Variants in SERPINB7 observed in about 807,000 individuals in gnomAD.
SERPINB7 encodes serpin B7.
A neutral mutation model predicts 37.4 loss-of-function variants in SERPINB7; 31 were observed. The observed-to-expected ratio is 0.83, with a 90% CI of 0.62 to 1.12. The LOEUF is 1.12. SERPINB7 is among the 50% of genes most tolerant of loss of function. SERPINB7 has a pLI of 0.00. For missense variants in SERPINB7, 521 were observed against 455.3 expected (o/e 1.14, Z -1.31); for synonymous variants, 163 against 166.1 (o/e 0.98, Z 0.14).
chr18:63,784,499 T>TTA (rs1210108240), intron 2 of SERPINB7, among the ~76,000 whole-genome samples: 1 of 152,200 alleles, frequency 6.6e-6, no homozygotes, highest in African/African-American at 2.4e-5. Context: ...CTTCAGTATT[T>TTA]TAAAGTGGGT....
intron 1 of SERPINB7, among the ~76,000 whole-genome samples, chr18:63,760,522 T>C (rs915921948): frequency 2.6e-5 from 4 of 152,202 alleles, no homozygotes; most frequent in Admixed American, 1.3e-4. Context: ...AGCCTAATGT[T>C]AATCCCCAAG....
chr18:63,792,437 T>C lies in SERPINB7; in HGVS notation c.213T>C (p.Asn71=), dbSNP rs373796717. ...CCTCAGGATATGGAAACTCTTCTAA[T>C]AGTCAGGTAAAGACAATATGTTCTT... ...NTASGYGNSS[N]SQSGLQSQLK... is the part of the protein sequence containing the mutation. Residue 71 remains asparagine, a synonymous_variant, in exon 3 of 8, where the codon AAT becomes AAC. Transcript: ENST00000398019. 4.4e-6 allele frequency: 7 copies of C among 1,592,786 alleles called. No homozygotes were observed. The highest frequency in any genetic ancestry group is 6.0e-6 in the Non-Finnish European group (7 of 1,160,674).
intron 2 of SERPINB7, among the ~76,000 whole-genome samples, chr18:63,791,887 GGCCT>G (rs1223598332): frequency 6.6e-6 from 1 of 152,036 alleles, no homozygotes; most frequent in East Asian, 1.9e-4. Flanking sequence ...TGAGATTACA[GGCCT>G]GAGCCACCGC....
At chr18:63,797,342 T>C (rs1349793923) in intron 5 of SERPINB7, among the ~76,000 whole-genome samples, 3 of 152,192 alleles carry the variant, frequency 2.0e-5, no homozygotes, top group African/African-American at 7.2e-5. Context: ...TATTCATTCA[T>C]TCCTCATTAT....
chr18:63,794,110 ATTTTT>A (rs34450022), intron 4 of SERPINB7, among the ~76,000 whole-genome samples: 131 of 105,558 alleles, frequency 1.2e-3, no homozygotes, highest in African/African-American at 4.5e-3. Flanking sequence ...CATCCTGCTA[ATTTTT>A]TTTTTTTTTT....
At chr18:63,800,834 T>C in intron 6 of SERPINB7, 32 bp from the exon 7 acceptor site, 1 of 1,609,288 alleles carries the variant, frequency 6.2e-7, no homozygotes, top group Non-Finnish European at 8.5e-7. Flanking sequence ...TGAGGTGGGA[T>C]CATAAATAAT....
chr18:63,796,988 A>T (rs1482368279), intron 5 of SERPINB7, among the ~76,000 whole-genome samples: 1 of 152,220 alleles, frequency 6.6e-6, no homozygotes, highest in African/African-American at 2.4e-5. Context: ...TTACCAAAAT[A>T]ATTTATGTAA....
intron 1 of SERPINB7, among the ~76,000 whole-genome samples, chr18:63,770,051 G>C (rs932399841): frequency 6.7e-6 from 1 of 148,488 alleles, no homozygotes; most frequent in Non-Finnish European, 1.5e-5. Flanking sequence ...TGCCGCTTCT[G>C]CTTGTGTTTG....
At chr18:63,783,129 C>G (rs1246426303) in intron 2 of SERPINB7, among the ~76,000 whole-genome samples, 1 of 150,528 alleles carries the variant, frequency 6.6e-6, no homozygotes, top group Non-Finnish European at 1.5e-5. Context: ...CAGAGCGAGA[C>G]TCCGTCTCAG....
intron 1 of SERPINB7, among the ~76,000 whole-genome samples, chr18:63,763,016 AAG>A (rs2049162497): frequency 6.6e-6 from 1 of 152,168 alleles, no homozygotes; most frequent in Admixed American, 6.5e-5. Context: ...ACCTCAGTAA[AAG>A]GGGGGTTTCA....
chr18:63,778,850 G>T (rs1189265611), intron 1 of SERPINB7, among the ~76,000 whole-genome samples: 1 of 152,030 alleles, frequency 6.6e-6, no homozygotes, highest in African/African-American at 2.4e-5. Context: ...CTGAAGTTTG[G>T]GATGTAAAAA....
Position 63,804,605 on chromosome 18 carries a change from C to T in SERPINB7, c.1113C>T (p.Ile371=). The T allele has an allele frequency of 1.2e-6, 2 of 1,611,560 alleles. No individual in the cohort carries two copies. The highest frequency in any genetic ancestry group is 1.7e-6 in the Non-Finnish European group (2 of 1,178,566). ...TTGTTATCAGGAAGGATGACATCAT[C>T]TTATTCAGTGGCAAAGTTTCTTGCC... The part of the protein sequence containing the change: ...FLFVIRKDDI[I]LFSGKVSCP Residue 371 remains isoleucine, a synonymous_variant, in exon 8 of 8, where the codon ATC becomes ATT. Coordinates refer to ENST00000398019, the MANE Select transcript of SERPINB7 (RefSeq NM_003784.4).
Position 63,796,273 on chromosome 18 carries a change from T to A in SERPINB7, c.344T>A (p.Ile115Asn). 2 of 1,597,154 alleles carry A rather than the reference T, an allele frequency of 1.3e-6. No individual in the cohort carries two copies. Among genetic ancestry groups the A allele is most frequent in the Middle Eastern group, 1.7e-4 (1 of 6,014 alleles). The change falls in exon 5 of 8, where the codon ATT becomes AAT. Residue 115 changes from isoleucine (I) to asparagine (N), a missense_variant. Ile to Asn is a moderately radical substitution (Grantham distance 149). Coordinates refer to ENST00000398019, the MANE Select transcript of SERPINB7 (RefSeq NM_003784.4). ...CTATATTCTTCTTTATAGGACTACA[T>A]TGAGTGTGCCGAAAAATTATACGAT... Reference protein sequence around the residue: ...EKVYGFHKDYIECAEKLYDAK... With the variant: ...EKVYGFHKDYNECAEKLYDAK...
chr18:63,788,147 C>T lies in SERPINB7; in HGVS notation c.169-4246C>T, dbSNP rs189508489. On this transcript the variant is annotated intron_variant, in intron 2 of 7. Coordinates refer to ENST00000398019, the MANE Select transcript of SERPINB7 (RefSeq NM_003784.4). ...TCTACTTACGAAAAATAAAAGTTCG[C>T]TGTGGAACAGCCTCAGACAGACCCT... Among the ~76,000 whole-genome samples the T allele has an allele frequency of 3.9e-5, 6 of 152,272 alleles. No homozygotes were observed. The East Asian group carries it at 9.6e-4, about 24-fold the overall frequency.
intron 2 of SERPINB7, among the ~76,000 whole-genome samples, chr18:63,789,559 C>T (rs990799453): frequency 2.6e-5 from 4 of 151,998 alleles, no homozygotes; most frequent in Non-Finnish European, 5.9e-5. Context: ...CCAATGAAGT[C>T]GCAGCTGCAA....
chr18:63,778,214 T>C (rs1441729390), intron 1 of SERPINB7: 1 of 152,134 alleles, frequency 6.6e-6, no homozygotes, highest in Non-Finnish European at 1.5e-5. Flanking sequence ...ATACTAGATT[T>C]TGAGATTAGA....
chr18:63,791,098 T>G (rs2049422213), intron 2 of SERPINB7, among the ~76,000 whole-genome samples: 1 of 151,998 alleles, frequency 6.6e-6, no homozygotes, highest in Non-Finnish European at 1.5e-5. Flanking sequence ...TGAGAACATA[T>G]GGACACAGGG....
At chr18:63,761,060 G>A (rs917258680) in intron 1 of SERPINB7, among the ~76,000 whole-genome samples, 21 of 152,266 alleles carry the variant, frequency 1.4e-4, no homozygotes, top group Non-Finnish European at 2.4e-4. Context: ...TGTACTTTGC[G>A]CCTGGAAAAG....
chr18:63,778,870 G>A (rs1418581053), intron 1 of SERPINB7, among the ~76,000 whole-genome samples: 1 of 152,134 alleles, frequency 6.6e-6, no homozygotes, highest in Non-Finnish European at 1.5e-5. Flanking sequence ...ACATCCATGA[G>A]TACGTGCTAA....
Sources: allele counts gnomAD v4.1 joint callset (sites outside exome capture counted in the v4.1 genomes callset), GRCh38; gene constraint gnomAD v4.1.1; transcripts MANE v1.5; gene names NCBI Gene and HGNC (gene_info 2026-07-23, HGNC 2026-07-21).